MYO5C: variants seen among roughly 807,000 people sequenced by gnomAD.
The protein encoded by MYO5C is myosin VC, also known as unconventional myosin-Vc.
MYO5C carries 194 observed loss-of-function variants against 235.7 expected under a neutral mutation model. The ratio of observed to expected loss-of-function variants is 0.82; its 90% CI spans 0.73 to 0.93. The LOEUF is 0.93. MYO5C is among the 40% of genes least tolerant of loss of function. The pLI is 0.00. For synonymous variants in MYO5C, 707 were observed against 754.8 expected, an observed-to-expected ratio of 0.94 and a Z score of 1.04; for missense variants, 2,038 against 2,127.2, an observed-to-expected ratio of 0.96 and a Z score of 0.82.
chr15:52,262,123 G>C (rs368867795), intron 9 of MYO5C, among the ~76,000 whole-genome samples: 1 of 152,158 alleles, frequency 6.6e-6, no homozygotes, highest in East Asian at 1.9e-4. Context: ...AAACAATTCA[G>C]CTGCAGGTGC....
intron 20 of MYO5C, among the ~76,000 whole-genome samples, chr15:52,240,227 T>G (rs1236656872): frequency 6.6e-6 from 1 of 152,160 alleles, no homozygotes; most frequent in Non-Finnish European, 1.5e-5. Context: ...TTTCTTTTTT[T>G]GGAGAGACTA....
chr15:52,223,514 C>T, intron 29 of MYO5C, 30 bp downstream of exon 29: 2 of 1,598,304 alleles, frequency 1.3e-6, no homozygotes, highest in Non-Finnish European at 1.7e-6. Flanking sequence ...GTATGATGGC[C>T]ACGACTGGGG....
At chr15:52,226,702 G>A (rs1273758659) in intron 25 of MYO5C, among the ~76,000 whole-genome samples, 2 of 152,170 alleles carry the variant, frequency 1.3e-5, no homozygotes, top group African/African-American at 4.8e-5. Flanking sequence ...CACATGCCAG[G>A]TTTATGGGGG....
intron 36 of MYO5C, 42 bp downstream of exon 36, chr15:52,208,512 T>A: frequency 6.3e-7 from 1 of 1,582,278 alleles, no homozygotes; most frequent in Non-Finnish European, 8.7e-7. Context: ...GGTTATAGAC[T>A]GGCTGTCAGC....
chr15:52,204,507 A>G (rs997267263), intron 38 of MYO5C, among the ~76,000 whole-genome samples: 1 of 152,078 alleles, frequency 6.6e-6, no homozygotes, highest in Non-Finnish European at 1.5e-5. Context: ...GGCAGGGATC[A>G]TATCGACTTT....
intron 12 of MYO5C, among the ~76,000 whole-genome samples, chr15:52,252,947 AT>A (rs2036504321): frequency 6.6e-6 from 1 of 152,138 alleles, no homozygotes; most frequent in Non-Finnish European, 1.5e-5. Flanking sequence ...TACGATGTTG[AT>A]TTTTCTTGAT....
intron 2 of MYO5C, among the ~76,000 whole-genome samples, chr15:52,281,582 C>A (rs1566993328): frequency 6.6e-6 from 1 of 152,220 alleles, no homozygotes; most frequent in East Asian, 1.9e-4. Context: ...CTCCTGCCTT[C>A]AAACATGCAC....
At chr15:52,282,993 C>A in intron 1 of MYO5C, 101 bp from the exon 2 acceptor site, 2 of 754,300 alleles carry the variant, frequency 2.7e-6, no homozygotes, top group Non-Finnish European at 2.4e-6. Flanking sequence ...ACTAGGTCAG[C>A]TCCTTCATGA....
intron 18 of MYO5C, 24 bp downstream of exon 18, chr15:52,245,330 A>T: frequency 6.8e-7 from 1 of 1,460,166 alleles, no homozygotes; most frequent in Non-Finnish European, 9.6e-7. Flanking sequence ...GGAGACCATG[A>T]TCCCAGGAGG....
chr15:52,224,981 C>A lies in MYO5C; in HGVS notation c.3366G>T (p.Arg1122Ser). The change falls in exon 28 of 41, where the codon AGG (arginine) becomes AGT (serine). Residue 1122 changes from arginine to serine, a missense_variant and splice_region_variant. By Grantham distance (110) the Arg-to-Ser change is moderately radical. Transcript: ENST00000261839. Reference protein sequence around the residue: ...ESYDIEDVRSRLSVEDLEHLN... With the variant: ...ESYDIEDVRSSLSVEDLEHLN... The stretch of plus-strand genomic sequence containing the variant: ...AATGTTCCAGATCTTCCACAGAGAG[C>A]CTGCAAAATAAGGAAGATAAGAAAA... 1 of 1,613,952 alleles carries A rather than the reference C, an allele frequency of 6.2e-7. No individual in the cohort carries two copies. The highest frequency in any genetic ancestry group is 1.1e-5 in the South Asian group (1 of 91,058).
At chr15:52,264,695 G>A (rs1213727595) in intron 8 of MYO5C, among the ~76,000 whole-genome samples, 2 of 152,136 alleles carry the variant, frequency 1.3e-5, no homozygotes, top group Non-Finnish European at 2.9e-5. Context: ...GAGGGATTCC[G>A]TTTGCCCCTC....
At chr15:52,269,518 G>T (rs1380642818) in intron 8 of MYO5C, among the ~76,000 whole-genome samples, 2 of 149,214 alleles carry the variant, frequency 1.3e-5, no homozygotes, top group East Asian at 4.0e-4. Flanking sequence ...TCAGCCTCCT[G>T]AGTAGCTGGG....
intron 11 of MYO5C, 132 bp downstream of exon 11, chr15:52,256,507 A>G: frequency 1.6e-6 from 1 of 628,016 alleles, no homozygotes; most frequent in Middle Eastern, 3.4e-4. Flanking sequence ...ACCCAGCGTG[A>G]GGCTCCTTGC....
chr15:52,234,185 G>A (rs1596171214), intron 23 of MYO5C, among the ~76,000 whole-genome samples: 1 of 152,350 alleles, frequency 6.6e-6, no homozygotes, highest in Non-Finnish European at 1.5e-5. Context: ...CAAGAGGAAT[G>A]GGATTATGTC....
Position 52,224,956 on chromosome 15 carries a change from A to G in MYO5C, c.3391T>C (p.Leu1131=). 1.2e-6 allele frequency: 2 copies of G among 1,614,052 alleles called. No individual in the cohort carries two copies. The highest frequency in any genetic ancestry group is 8.5e-7 in the Non-Finnish European group (1 of 1,179,976). ...AACCAAAGTTCTCCATCCTCATTTA[A>G]ATGTTCCAGATCTTCCACAGAGAGC... is the stretch of plus-strand genomic sequence containing the variant. The part of the protein sequence containing the change: ...SRLSVEDLEH[L]NEDGELWFAY... Residue 1131 remains leucine, a synonymous_variant, in exon 28 of 41, where the codon TTA becomes CTA. Coordinates refer to ENST00000261839, the MANE Select transcript of MYO5C (RefSeq NM_018728.4).
At chr15:52,291,901 G>A (rs534732721) in intron 1 of MYO5C, among the ~76,000 whole-genome samples, 2 of 151,760 alleles carry the variant, frequency 1.3e-5, no homozygotes, top group South Asian at 4.2e-4. Context: ...ACCACGCCTG[G>A]CTAATTTTTT....
At chr15:52,279,425 A>T in intron 3 of MYO5C, 84 bp downstream of exon 3, 1 of 1,445,492 alleles carries the variant, frequency 6.9e-7, no homozygotes, top group South Asian at 1.3e-5. Context: ...GGTGCTCAGT[A>T]TAAACATAAA....
chr15:52,194,997 G>A (rs988038007), intron 40 of MYO5C, among the ~76,000 whole-genome samples: 3 of 152,084 alleles, frequency 2.0e-5, no homozygotes, highest in African/African-American at 4.8e-5. Context: ...CTGCCCTAGA[G>A]TTCCTTAGGG....
intron 2 of MYO5C, among the ~76,000 whole-genome samples, chr15:52,281,716 C>T (rs992182284): frequency 3.9e-5 from 6 of 152,206 alleles, no homozygotes; most frequent in Non-Finnish European, 5.9e-5. Context: ...CAGGATCTGA[C>T]GCCAGACCAT....
Sources: gnomAD v4.1 joint callset for allele counts (sites outside exome capture counted in the v4.1 genomes callset) on GRCh38, gnomAD v4.1.1 for gene constraint, MANE v1.5 for transcripts, NCBI Gene and HGNC (gene_info 2026-07-23, HGNC 2026-07-21) for gene names.